Variants in LGSN observed in about 807,000 individuals in gnomAD.
The protein encoded by LGSN is lengsin.
In LGSN, 21 loss-of-function variants were observed where a neutral mutation model predicts 19.5. That is an observed-to-expected ratio of 1.07 (90% CI 0.76 to 1.55). The LOEUF is 1.55. Among genes scored for constraint, LGSN ranks in the 40% most tolerant of loss-of-function variants. The pLI is 0.00. For missense variants in LGSN, 673 were observed against 608.5 expected (o/e 1.11, Z -1.12); for synonymous variants, 257 against 215.6 (o/e 1.19, Z -1.68).
At chr6:63,366,266 A>G in the LGSN span, among the ~76,000 whole-genome samples, 1 of 152,258 alleles carries the variant, frequency 6.6e-6, no homozygotes, top group Non-Finnish European at 1.5e-5. Flanking sequence ...TCAATGTGCC[A>G]AAATCACAAG....
At chr6:63,424,731 A>T in the LGSN span, among the ~76,000 whole-genome samples, 1 of 152,104 alleles carries the variant, frequency 6.6e-6, no homozygotes, top group Non-Finnish European at 1.5e-5. Context: ...TAGGCAATAT[A>T]GTGAAACCCA....
At chr6:63,435,390 A>T in the LGSN span, among the ~76,000 whole-genome samples, 1 of 152,208 alleles carries the variant, frequency 6.6e-6, no homozygotes, top group Non-Finnish European at 1.5e-5. Context: ...CTTCTATATA[A>T]AAGCTAGTTG....
the LGSN span, among the ~76,000 whole-genome samples, chr6:63,542,308 A>G: frequency 2.7e-4 from 41 of 152,158 alleles, no homozygotes; most frequent in Non-Finnish European, 5.9e-4. Flanking sequence ...ATGAAAGACT[A>G]CAAATTGAGT....
the LGSN span, among the ~76,000 whole-genome samples, chr6:63,446,512 G>A: frequency 6.6e-6 from 1 of 152,098 alleles, no homozygotes; most frequent in African/African-American, 2.4e-5. Flanking sequence ...CGAGGTCAAG[G>A]ATTTTGTTTA....
the LGSN span, among the ~76,000 whole-genome samples, chr6:63,512,937 C>G: frequency 6.6e-6 from 1 of 152,152 alleles, no homozygotes; most frequent in Non-Finnish European, 1.5e-5. Flanking sequence ...AAGCAGAGAA[C>G]AAGACAGATA....
At chr6:63,458,957 A>G in the LGSN span, among the ~76,000 whole-genome samples, 6 of 152,210 alleles carry the variant, frequency 3.9e-5, no homozygotes, top group Admixed American at 3.9e-4. Flanking sequence ...TAATAATGCT[A>G]TGTGAAACCC....
chr6:63,316,871 G>T (rs1312475782), intron 1 of LGSN, among the ~76,000 whole-genome samples: 1 of 151,942 alleles, frequency 6.6e-6, no homozygotes, highest in Non-Finnish European at 1.5e-5. Context: ...GGCTGCTGCA[G>T]CATATAAAAA....
the LGSN span, among the ~76,000 whole-genome samples, chr6:63,557,229 G>A: frequency 6.6e-6 from 1 of 152,144 alleles, no homozygotes; most frequent in Non-Finnish European, 1.5e-5. Context: ...ACAGGGAATG[G>A]AATACCTGTG....
At chr6:63,281,268 A>C in intron 3 of LGSN, 48 bp from the exon 4 acceptor site, 7 of 1,360,972 alleles carry the variant, frequency 5.1e-6, no homozygotes, top group Non-Finnish European at 6.7e-6. Context: ...AACAAACAAA[A>C]GGGTCGGGGG....
intron 1 of LGSN, among the ~76,000 whole-genome samples, chr6:63,314,234 C>T (rs939868825): frequency 6.6e-6 from 1 of 152,058 alleles, no homozygotes; most frequent in Non-Finnish European, 1.5e-5. Context: ...ACAATTAGTG[C>T]CCTTATGGGG....
At chr6:63,571,344 G>C in the LGSN span, 1 of 152,158 alleles carries the variant, frequency 6.6e-6, no homozygotes, top group Non-Finnish European at 1.5e-5. Context: ...ACAAACAAAA[G>C]GCTTCAGTGT....
the LGSN span, among the ~76,000 whole-genome samples, chr6:63,335,745 A>C: frequency 3.3e-5 from 5 of 152,174 alleles, no homozygotes; most frequent in South Asian, 1.0e-3. Flanking sequence ...CACTATGGAG[A>C]ACACAATGGA....
the LGSN span, among the ~76,000 whole-genome samples, chr6:63,561,415 C>T: frequency 6.6e-6 from 1 of 152,208 alleles, no homozygotes; most frequent in Admixed American, 6.5e-5. Flanking sequence ...CAACAACCAG[C>T]ACATTCAGTA....
At chr6:63,505,553 C>CAAAAA in the LGSN span, among the ~76,000 whole-genome samples, 1 of 41,482 alleles carries the variant, frequency 2.4e-5, no homozygotes, top group Non-Finnish European at 4.0e-5. Context: ...AAGAATCTGT[C>CAAAAA]AAAAAAAAAA....
chr6:63,420,218 A>AT, the LGSN span, among the ~76,000 whole-genome samples: 2 of 151,564 alleles, frequency 1.3e-5, no homozygotes, highest in South Asian at 4.2e-4. Context: ...AAAAAAAAAA[A>AT]GTACTTTGTA....
the LGSN span, among the ~76,000 whole-genome samples, chr6:63,445,542 TG>T: frequency 6.6e-6 from 1 of 152,086 alleles, no homozygotes; most frequent in South Asian, 2.1e-4. Flanking sequence ...CGCTTGAACC[TG>T]GAAGGTGGAG....
chr6:63,406,244 A>G, the LGSN span, among the ~76,000 whole-genome samples: 6 of 152,128 alleles, frequency 3.9e-5, no homozygotes, highest in African/African-American at 7.2e-5. Context: ...GCACCACACC[A>G]CACCTATTCC....
At chr6:63,356,521 G>A in the LGSN span, among the ~76,000 whole-genome samples, 18,547 of 150,102 alleles carry the variant, frequency 0.12, 2,441 homozygotes, top group African/African-American at 0.34. Flanking sequence ...CACCCTGGGC[G>A]ACAAGAGCAA....
chr6:63,353,475 C>G, the LGSN span, among the ~76,000 whole-genome samples: 3 of 150,280 alleles, frequency 2.0e-5, no homozygotes, highest in Non-Finnish European at 4.4e-5. Flanking sequence ...TGTAGGGAAC[C>G]ATAACAGAAC....
Sources: allele counts gnomAD v4.1 joint callset (sites outside exome capture counted in the v4.1 genomes callset), GRCh38; gene constraint gnomAD v4.1.1; transcripts MANE v1.5; gene names NCBI Gene and HGNC (gene_info 2026-07-23, HGNC 2026-07-21).